FASTKD1: variants seen among roughly 807,000 people sequenced by gnomAD.
The protein encoded by FASTKD1 is FAST kinase domain-containing protein 1, mitochondrial.
Under a neutral mutation model 90.9 loss-of-function variants are expected in FASTKD1, and 94 were observed. The ratio of observed to expected loss-of-function variants is 1.03; its 90% CI spans 0.88 to 1.23. The LOEUF (loss-of-function observed/expected upper bound fraction) is 1.23. Ranked by LOEUF, FASTKD1 falls within the 50% of genes most tolerant of loss-of-function variation. The pLI is 0.00. For synonymous variants in FASTKD1, 319 were observed against 345.8 expected, an observed-to-expected ratio of 0.92 and a Z score of 0.86; for missense variants, 945 against 993.5, an observed-to-expected ratio of 0.95 and a Z score of 0.66.
intron 9 of FASTKD1, among the ~76,000 whole-genome samples, chr2:169,540,637 A>G (rs1684922016): frequency 6.6e-6 from 1 of 152,214 alleles, no homozygotes; most frequent in African/African-American, 2.4e-5. Flanking sequence ...AACACTTTAG[A>G]TATATTAACT....
At chr2:169,531,191 T>G in intron 13 of FASTKD1, 161 bp downstream of exon 13, 3 of 807,968 alleles carry the variant, frequency 3.7e-6, no homozygotes, top group Non-Finnish European at 6.6e-6. Flanking sequence ...AGGGAGAACA[T>G]TAAAGCAGAA....
intron 5 of FASTKD1, among the ~76,000 whole-genome samples, chr2:169,559,273 A>C (rs1415561609): frequency 1.3e-5 from 2 of 151,564 alleles, no homozygotes; most frequent in East Asian, 3.9e-4. Flanking sequence ...GCACCCAGCC[A>C]CAAAGTACTC....
chr2:169,546,400 G>A lies in FASTKD1; in HGVS notation c.1519C>T (p.Leu507Phe). ...LDLLRKELKS[L>F]KGNTFPESLL... Reference sequence around the variant, plus strand: ...GACTCAGGAAACGTGTTTCCTTTGAGAGATTTAAGTTCCTTCCGTAACAGA... The same window carrying A: ...GACTCAGGAAACGTGTTTCCTTTGAAAGATTTAAGTTCCTTCCGTAACAGA... Residue 507 changes from leucine (L) to phenylalanine (F), a missense_variant, in exon 8 of 15, where the codon CTC becomes TTC. Coordinates refer to ENST00000453153, the MANE Select transcript of FASTKD1 (RefSeq NM_024622.6). 6.2e-7 allele frequency: 1 copy of A among 1,614,122 alleles called. No homozygotes were observed. Among genetic ancestry groups the A allele is most frequent in the Non-Finnish European group, 8.5e-7 (1 of 1,179,988 alleles).
chr2:169,530,929 A>G, intron 13 of FASTKD1: 2 of 698,742 alleles, frequency 2.9e-6, no homozygotes, highest in Non-Finnish European at 5.3e-6. Context: ...TTTTTGGTCC[A>G]ATATATATTT....
intron 7 of FASTKD1, 88 bp from the exon 8 acceptor site, chr2:169,546,792 T>C: frequency 2.3e-6 from 3 of 1,280,648 alleles, no homozygotes; most frequent in Non-Finnish European, 1.1e-6. Context: ...GTACAATTAA[T>C]AGGTAAGATG....
chr2:169,552,283 CT>C (rs1300511946), intron 7 of FASTKD1, among the ~76,000 whole-genome samples: 1 of 152,306 alleles, frequency 6.6e-6, no homozygotes, highest in East Asian at 1.9e-4. Flanking sequence ...TGCTTCAAGT[CT>C]TTTCATAAAA....
At chr2:169,570,616 G>C (rs1022874424) in intron 2 of FASTKD1, among the ~76,000 whole-genome samples, 1 of 151,154 alleles carries the variant, frequency 6.6e-6, no homozygotes, top group Non-Finnish European at 1.5e-5. Flanking sequence ...ACAATAACGA[G>C]ATTGCAAACA....
intron 11 of FASTKD1, 68 bp from the exon 12 acceptor site, chr2:169,537,408 A>T: frequency 9.0e-7 from 1 of 1,114,188 alleles, no homozygotes; most frequent in Non-Finnish European, 1.3e-6. Flanking sequence ...TTTGAGACGG[A>T]GTTTTCGCTC....
At position 169,538,113 on chromosome 2, in the gene FASTKD1, G is replaced by T. The variant is rs1251336915; in HGVS notation, c.1974C>A (p.Val658=). ...TATTTAACTCCATAAGATGAAACTG[G>T]ACTCTTGCACTTCGAGATGGAGATA... ...EILSPSRSAR[V]QFHLMELNRS... Residue 658 remains valine, a synonymous_variant, in exon 11 of 15, where the codon GTC becomes GTA. Coordinates refer to ENST00000453153, the MANE Select transcript of FASTKD1 (RefSeq NM_024622.6). 3 of 1,607,216 alleles carry T rather than the reference G, an allele frequency of 1.9e-6. No individual in the cohort carries two copies. In the East Asian group the frequency reaches 6.7e-5, roughly 36 times the overall value.
intron 3 of FASTKD1, among the ~76,000 whole-genome samples, chr2:169,565,599 C>T (rs1347208117): frequency 3.3e-5 from 5 of 152,142 alleles, no homozygotes; most frequent in Admixed American, 1.3e-4. Context: ...TTGATGGACA[C>T]TTATGTTGCT....
intron 12 of FASTKD1, among the ~76,000 whole-genome samples, chr2:169,534,658 CA>C (rs1332421581): frequency 1.3e-5 from 2 of 151,628 alleles, no homozygotes; most frequent in African/African-American, 2.4e-5. Flanking sequence ...GGGGTTTCAC[CA>C]TGTTAGCCAG....
chr2:169,567,626 T>C (rs1684045343), intron 3 of FASTKD1, among the ~76,000 whole-genome samples: 2 of 152,340 alleles, frequency 1.3e-5, no homozygotes, highest in East Asian at 1.9e-4. Context: ...AAGTATTTAT[T>C]ATAGTTTAAG....
At chr2:169,534,528 C>T (rs1164668975) in intron 12 of FASTKD1, among the ~76,000 whole-genome samples, 4 of 149,476 alleles carry the variant, frequency 2.7e-5, no homozygotes, top group East Asian at 2.0e-4. Flanking sequence ...GGCACGATCC[C>T]GGCTCACTGC....
rs757051699 is a variant in FASTKD1, at chr2:169,555,148, G to T, written c.1190C>A (p.Ala397Glu). 2 of 1,610,664 alleles carry T rather than the reference G, an allele frequency of 1.2e-6. No individual in the cohort carries two copies. Among genetic ancestry groups the T allele is most frequent in the South Asian group, 1.1e-5 (1 of 90,766 alleles). ...FLHFQRKEFF[A>E]KLRELLLSYL... is the part of the protein sequence containing the mutation. ...CCTAAGCAGTAATTCTCTAAGTTTC[G>T]CAAAAAACTCCTTCCTTTGGAAATG... Residue 397 changes from alanine (A) to glutamate (E), a missense_variant, in exon 7 of 15, where the codon GCG becomes GAG. Physicochemically the swap from Ala to Glu is moderately radical, Grantham distance 107 (BLOSUM62 -1). Transcript: ENST00000453153.
At chr2:169,565,407 C>T (rs1574412613) in intron 3 of FASTKD1, among the ~76,000 whole-genome samples, 4 of 151,582 alleles carry the variant, frequency 2.6e-5, no homozygotes, top group Non-Finnish European at 5.9e-5. Context: ...GGACTATAGG[C>T]GCCCGCCACC....
chr2:169,567,623 T>C (rs568907717), intron 3 of FASTKD1, among the ~76,000 whole-genome samples: 2 of 152,346 alleles, frequency 1.3e-5, no homozygotes, highest in South Asian at 2.1e-4. Flanking sequence ...TATAAGTATT[T>C]ATTATAGTTT....
At chr2:169,541,988 C>T (rs1574375744) in intron 9 of FASTKD1, among the ~76,000 whole-genome samples, 1 of 152,298 alleles carries the variant, frequency 6.6e-6, no homozygotes, top group East Asian at 1.9e-4. Context: ...TGACATGCAT[C>T]ACTCTCTCAA....
rs899233183 is a variant in FASTKD1 at position 169,546,701 on chromosome 2, A to G, written c.1218T>C (p.Tyr406=). The change falls in exon 8 of 15, where the codon TAT becomes TAC. Residue 406 remains tyrosine (Y), a synonymous_variant. Transcript: ENST00000453153. ...FAKLRELLLS[Y]LKNSFIPTEV... ...CAGTTGGTATGAAACTATTTTTCAAATAACTGCAAAATGAAAAATGAAAAG... is the reference window on the plus strand; with the variant it reads ...CAGTTGGTATGAAACTATTTTTCAAGTAACTGCAAAATGAAAAATGAAAAG... 1.1e-5 allele frequency: 18 copies of G among 1,591,106 alleles called. No homozygotes were observed. The highest frequency in any genetic ancestry group is 8.5e-7 in the Non-Finnish European group (1 of 1,169,906).
intron 9 of FASTKD1, 63 bp downstream of exon 9, chr2:169,544,658 G>C: frequency 1.1e-6 from 1 of 890,740 alleles, no homozygotes; most frequent in Non-Finnish European, 1.9e-6. Flanking sequence ...ACATCTCCTA[G>C]CTCAGCAGCA....
Sources: gnomAD v4.1 joint callset for allele counts (sites outside exome capture counted in the v4.1 genomes callset) on GRCh38, gnomAD v4.1.1 for gene constraint, MANE v1.5 for transcripts, NCBI Gene and HGNC (gene_info 2026-07-23, HGNC 2026-07-21) for gene names.